MCUB: variants seen among roughly 807,000 people sequenced by gnomAD.
The protein encoded by MCUB is calcium uniporter regulatory subunit MCUb, mitochondrial.
Under a neutral mutation model 41.4 loss-of-function variants are expected in MCUB, and 46 were observed. The ratio of observed to expected loss-of-function variants is 1.11; its 90% CI spans 0.88 to 1.42. The LOEUF (loss-of-function observed/expected upper bound fraction) is 1.42. MCUB is among the 40% of genes most tolerant of loss of function. MCUB has a pLI of 0.00. For synonymous variants in MCUB, 148 were observed against 148.2 expected (o/e 1.00, Z 0.01); for missense variants, 403 against 404.9 (o/e 1.00, Z 0.04).
intron 1 of MCUB, 106 bp downstream of exon 1, chr4:109,560,542 G>A: frequency 3.8e-6 from 2 of 531,954 alleles, no homozygotes; most frequent in Non-Finnish European, 5.7e-6. Context: ...AGTCAACTGC[G>A]TTTTGCTGGC....
chr4:109,611,674 T>G (rs17040615), intron 1 of MCUB, among the ~76,000 whole-genome samples: 4,434 of 152,294 alleles, frequency 0.029, 208 homozygotes, highest in African/African-American at 0.1. Flanking sequence ...AACCTCACAG[T>G]AGTTCAAATA....
chr4:109,667,150 T>C (rs1729362781), intron 4 of MCUB, among the ~76,000 whole-genome samples: 1 of 152,134 alleles, frequency 6.6e-6, no homozygotes, highest in Non-Finnish European at 1.5e-5. Context: ...TGAAAGAGAT[T>C]GTAGATAATT....
At chr4:109,603,424 TGGC>T (rs1228056654) in intron 1 of MCUB, among the ~76,000 whole-genome samples, 2 of 152,208 alleles carry the variant, frequency 1.3e-5, no homozygotes, top group African/African-American at 2.4e-5. Context: ...TGGAGTGCAG[TGGC>T]GTGATCTAGG....
chr4:109,580,420 G>A (rs920749045), intron 1 of MCUB, among the ~76,000 whole-genome samples: 3 of 152,182 alleles, frequency 2.0e-5, no homozygotes, highest in Non-Finnish European at 2.9e-5. Flanking sequence ...GGGTCAAATG[G>A]TATTTCTAGT....
At chr4:109,659,132 C>A in intron 2 of MCUB, 46 bp downstream of exon 2, 1 of 1,088,868 alleles carries the variant, frequency 9.2e-7, no homozygotes, top group Non-Finnish European at 1.4e-6. Context: ...AATTGTTTCC[C>A]TTTCTTCCAA....
chr4:109,560,416 C>A lies in MCUB; in HGVS notation c.79C>A (p.Pro27Thr). The A allele has an allele frequency of 7.7e-7, 1 of 1,301,402 alleles. No homozygotes were observed. The highest frequency in any genetic ancestry group is 2.3e-5 in the South Asian group (1 of 42,750). 80.6% of individuals were successfully genotyped at this position (1,301,402 alleles called of 1,614,324 possible). A position where few individuals can be genotyped will look rare whatever the true frequency, so the allele number is the denominator to read the frequency against. Residue 27 changes from proline to threonine, a missense_variant, in exon 1 of 8, where the codon CCG becomes ACG. Physicochemically the swap from Pro to Thr is conservative, Grantham distance 38. Transcript: ENST00000394650. ...CACCTGGCGCCCAGCGCGCCCGTGGCCGCTGCCGCCTCCGCCCCAGGTAAG... is the reference window on the plus strand; with the variant it reads ...CACCTGGCGCCCAGCGCGCCCGTGGACGCTGCCGCCTCCGCCCCAGGTAAG... ...PGTWRPARPWPLPPPPQVLRV... is the reference protein window; with the variant it reads ...PGTWRPARPWTLPPPPQVLRV...
intron 1 of MCUB, among the ~76,000 whole-genome samples, chr4:109,590,014 C>G (rs1275769161): frequency 6.6e-6 from 1 of 152,176 alleles, no homozygotes; most frequent in African/African-American, 2.4e-5. Flanking sequence ...GGTAAGCTCT[C>G]TACGTTGTTC....
chr4:109,626,279 A>C (rs1382787269), intron 1 of MCUB, among the ~76,000 whole-genome samples: 1 of 152,208 alleles, frequency 6.6e-6, no homozygotes, highest in Non-Finnish European at 1.5e-5. Context: ...ACAAGAAAAA[A>C]AGTTCTTATC....
At chr4:109,684,918 A>AC (rs1729803199) in intron 6 of MCUB, 1 of 381,358 alleles carries the variant, frequency 2.6e-6, no homozygotes, top group Admixed American at 4.2e-5. Flanking sequence ...TATAAAAAAA[A>AC]CTGAATTTGC....
intron 4 of MCUB, among the ~76,000 whole-genome samples, chr4:109,680,446 C>G (rs954934724): frequency 6.6e-6 from 1 of 152,150 alleles, no homozygotes; most frequent in African/African-American, 2.4e-5. Context: ...TCAGTTCACG[C>G]TGGACCCTAT....
chr4:109,685,295 C>A lies in MCUB; in HGVS notation c.861C>A (p.Phe287Leu). ...SAVKSRQFLQFFHKKSKQQHF... is the reference protein window; with the variant it reads ...SAVKSRQFLQLFHKKSKQQHF... ...TTAAGAGTAGGCAATTTCTTCAGTT[C>A]TTCCACAAGAAATCAAAGCAACAGC... Residue 287 changes from phenylalanine to leucine, a missense_variant, in exon 7 of 8, where the codon TTC becomes TTA. Phe to Leu is a conservative substitution (Grantham distance 22). Coordinates refer to ENST00000394650, the MANE Select transcript of MCUB (RefSeq NM_017918.5). The A allele has an allele frequency of 6.3e-7, 1 of 1,582,454 alleles. No homozygotes were observed. The highest frequency in any genetic ancestry group is 8.7e-7 in the Non-Finnish European group (1 of 1,152,386).
chr4:109,583,821 C>A (rs1210630905), intron 1 of MCUB, among the ~76,000 whole-genome samples: 2 of 152,108 alleles, frequency 1.3e-5, no homozygotes, highest in Admixed American at 1.3e-4. Context: ...TTGAGATAAT[C>A]ATGGGGTTTT....
At chr4:109,581,919 A>C (rs1422610503) in intron 1 of MCUB, among the ~76,000 whole-genome samples, 1 of 152,238 alleles carries the variant, frequency 6.6e-6, no homozygotes, top group African/African-American at 2.4e-5. Context: ...GAACACTTTT[A>C]CACTGTTGGT....
At chr4:109,685,034 C>G in intron 6 of MCUB, 1 of 413,538 alleles carries the variant, frequency 2.4e-6, no homozygotes, top group South Asian at 6.4e-5. Context: ...TGTGTAATTT[C>G]TCTTCCCAGC....
chr4:109,560,395 T>G lies in MCUB; in HGVS notation c.58T>G (p.Trp20Gly). The G allele has an allele frequency of 7.5e-7, 1 of 1,324,974 alleles. No homozygotes were observed. The highest frequency in any genetic ancestry group is 9.6e-7 in the Non-Finnish European group (1 of 1,037,446). 82.1% of individuals were successfully genotyped at this position (1,324,974 alleles called of 1,614,324 possible). A position where few individuals can be genotyped will look rare whatever the true frequency, so the allele number is the denominator to read the frequency against. Residue 20 changes from tryptophan (W) to glycine (G), a missense_variant, in exon 1 of 8, where the codon TGG (tryptophan) becomes GGG (glycine). Physicochemically the swap from Trp to Gly is radical, Grantham distance 184 (BLOSUM62 -2). Coordinates refer to ENST00000394650, the MANE Select transcript of MCUB (RefSeq NM_017918.5). ...GCGGCTGCTGCCGACCCCTGGCACC[T>G]GGCGCCCAGCGCGCCCGTGGCCGCT... is the stretch of plus-strand genomic sequence containing the variant. ...RTRLLPTPGT[W>G]RPARPWPLPP...
At chr4:109,611,420 G>A (rs1728005074) in intron 1 of MCUB, among the ~76,000 whole-genome samples, 2 of 152,192 alleles carry the variant, frequency 1.3e-5, no homozygotes, top group Admixed American at 1.3e-4. Context: ...GCTTCTAGGG[G>A]AAGTGAAAGC....
intron 1 of MCUB, among the ~76,000 whole-genome samples, chr4:109,575,911 T>C (rs1193502160): frequency 6.6e-6 from 1 of 152,080 alleles, no homozygotes; most frequent in Non-Finnish European, 1.5e-5. Flanking sequence ...CTTTTCACTC[T>C]TATCTACCTG....
At chr4:109,644,684 A>G (rs1275227495) in intron 1 of MCUB, among the ~76,000 whole-genome samples, 1 of 152,232 alleles carries the variant, frequency 6.6e-6, no homozygotes, top group Non-Finnish European at 1.5e-5. Flanking sequence ...AAATTATTAC[A>G]GTTAACATTG....
At chr4:109,581,292 T>C (rs1203227512) in intron 1 of MCUB, among the ~76,000 whole-genome samples, 1 of 152,246 alleles carries the variant, frequency 6.6e-6, no homozygotes, top group Non-Finnish European at 1.5e-5. Context: ...AAGGATTCCC[T>C]ATTTAATAAA....
Sources: allele counts gnomAD v4.1 joint callset (sites outside exome capture counted in the v4.1 genomes callset), GRCh38; gene constraint gnomAD v4.1.1; transcripts MANE v1.5; gene names NCBI Gene and HGNC (gene_info 2026-07-23, HGNC 2026-07-21).